Variants in ESRRG observed in about 807,000 individuals in gnomAD.
ESRRG encodes the protein estrogen-related receptor gamma.
A neutral mutation model predicts 44.0 loss-of-function variants in ESRRG; 13 were observed. That is an observed-to-expected ratio of 0.30 (90% confidence interval 0.19 to 0.47). The LOEUF (loss-of-function observed/expected upper bound fraction) is 0.47. Ranked by LOEUF, ESRRG falls within the 20% of genes least tolerant of loss-of-function variation. The pLI is 1.00. For missense variants in ESRRG, 395 were observed against 580.6 expected (o/e 0.68, Z 3.29); for synonymous variants, 215 against 214.6 (o/e 1.00, Z -0.02).
intron 1 of ESRRG, among the ~76,000 whole-genome samples, chr1:217,064,132 C>A (rs908017911): frequency 6.6e-6 from 1 of 151,804 alleles, no homozygotes; most frequent in African/African-American, 2.4e-5. Context: ...TTAATCTTCA[C>A]AACATACATA....
intron 2 of ESRRG, among the ~76,000 whole-genome samples, chr1:216,911,512 G>A (rs749956590): frequency 6.6e-6 from 1 of 152,148 alleles, no homozygotes; most frequent in Non-Finnish European, 1.5e-5. Flanking sequence ...ATGTTATAAT[G>A]GTAGCTACAT....
At chr1:216,568,778 C>T (rs946596495) in intron 3 of ESRRG, among the ~76,000 whole-genome samples, 4 of 152,102 alleles carry the variant, frequency 2.6e-5, no homozygotes, top group Non-Finnish European at 4.4e-5. Context: ...CCTAGCCGGG[C>T]GCAGTGGCTC....
At chr1:216,933,164 A>G (rs2063618586) in intron 2 of ESRRG, among the ~76,000 whole-genome samples, 1 of 152,136 alleles carries the variant, frequency 6.6e-6, no homozygotes, top group African/African-American at 2.4e-5. Context: ...ACATATAGAA[A>G]ATATTATAGT....
intron 2 of ESRRG, among the ~76,000 whole-genome samples, chr1:216,847,836 G>T (rs2095780584): frequency 6.6e-6 from 1 of 152,102 alleles, no homozygotes; most frequent in South Asian, 2.1e-4. Flanking sequence ...AGTGGCGGTG[G>T]CTATGCCCTC....
chr1:216,609,341 G>A (rs967285872), intron 3 of ESRRG, among the ~76,000 whole-genome samples: 6 of 152,174 alleles, frequency 3.9e-5, no homozygotes, highest in Non-Finnish European at 5.9e-5. Flanking sequence ...TTCATCAAAT[G>A]AAAAGAACAC....
intron 2 of ESRRG, among the ~76,000 whole-genome samples, chr1:216,880,397 A>G (rs1056533155): frequency 6.6e-6 from 1 of 151,786 alleles, no homozygotes; most frequent in Admixed American, 6.6e-5. Context: ...ATTAATGCTA[A>G]AAACAAAACC....
At chr1:217,012,103 G>C (rs1385023657) in intron 1 of ESRRG, among the ~76,000 whole-genome samples, 1 of 152,022 alleles carries the variant, frequency 6.6e-6, no homozygotes, top group Non-Finnish European at 1.5e-5. Context: ...ACTTTGGAGG[G>C]GACCCATGAA....
intron 1 of ESRRG, among the ~76,000 whole-genome samples, chr1:217,124,385 C>T (rs1030928108): frequency 6.6e-6 from 1 of 152,164 alleles, no homozygotes; most frequent in Non-Finnish European, 1.5e-5. Context: ...CCTTGTAAAT[C>T]CATGAGGAAG....
intron 1 of ESRRG, among the ~76,000 whole-genome samples, chr1:217,022,086 G>A (rs17044977): frequency 0.15 from 22,740 of 152,236 alleles, 2,213 homozygotes; most frequent in East Asian, 0.21. Context: ...ATATTTACAT[G>A]AGCCTGAAGA....
intron 5 of ESRRG, among the ~76,000 whole-genome samples, chr1:216,521,837 G>C (rs1005734185): frequency 6.6e-6 from 1 of 152,032 alleles, no homozygotes; most frequent in African/African-American, 2.4e-5. Flanking sequence ...TACAAACGCT[G>C]TTTCAGGACA....
chr1:216,955,040 T>C (rs757942729), intron 1 of ESRRG, among the ~76,000 whole-genome samples: 3 of 152,196 alleles, frequency 2.0e-5, no homozygotes, highest in Non-Finnish European at 4.4e-5. Flanking sequence ...ATCACTTCTT[T>C]GCATTGGGAA....
At chr1:217,023,159 T>A (rs137998932) in intron 1 of ESRRG, among the ~76,000 whole-genome samples, 1 of 152,260 alleles carries the variant, frequency 6.6e-6, no homozygotes, top group Non-Finnish European at 1.5e-5. Flanking sequence ...GTACACTAAC[T>A]TAAACAAAAA....
intron 1 of ESRRG, among the ~76,000 whole-genome samples, chr1:216,718,122 G>A (rs1575700002): frequency 6.6e-6 from 1 of 151,934 alleles, no homozygotes; most frequent in African/African-American, 2.4e-5. Flanking sequence ...ACACACAGTA[G>A]TTAAGTAAAC....
intron 1 of ESRRG, among the ~76,000 whole-genome samples, chr1:217,132,842 T>A (rs1475613063): frequency 1.3e-5 from 2 of 152,180 alleles, no homozygotes. Context: ...CCAGAGTTGC[T>A]TGAAAACGAG....
intron 1 of ESRRG, among the ~76,000 whole-genome samples, chr1:216,997,976 T>C (rs1455152608): frequency 5.3e-5 from 8 of 152,210 alleles, no homozygotes; most frequent in African/African-American, 1.7e-4. Flanking sequence ...CTCAGGAATT[T>C]TTTTTCTTCC....
intron 2 of ESRRG, among the ~76,000 whole-genome samples, chr1:216,748,192 A>T (rs1230175224): frequency 6.6e-6 from 1 of 152,186 alleles, no homozygotes; most frequent in Non-Finnish European, 1.5e-5. Context: ...TATAGCCTAG[A>T]TCCACACTTG....
At chr1:216,698,230 A>G (rs1362962934) in intron 1 of ESRRG, among the ~76,000 whole-genome samples, 1 of 152,132 alleles carries the variant, frequency 6.6e-6, no homozygotes, top group African/African-American at 2.4e-5. Context: ...TAAGATTGCA[A>G]GTTTTGGCGG....
At chr1:216,606,777 C>T (rs905127016) in intron 3 of ESRRG, among the ~76,000 whole-genome samples, 15 of 152,096 alleles carry the variant, frequency 9.9e-5, no homozygotes, top group African/African-American at 2.7e-4. Flanking sequence ...CACATACATA[C>T]AGAAAGAGAC....
intron 1 of ESRRG, among the ~76,000 whole-genome samples, chr1:216,683,200 T>C (rs1272343482): frequency 6.6e-6 from 1 of 152,186 alleles, no homozygotes; most frequent in Non-Finnish European, 1.5e-5. Flanking sequence ...TAATAAGAAA[T>C]ATCTTAAGGT....
Sources: allele counts gnomAD v4.1 joint callset (sites outside exome capture counted in the v4.1 genomes callset), GRCh38; gene constraint gnomAD v4.1.1; transcripts MANE v1.5; gene names NCBI Gene and HGNC (gene_info 2026-07-23, HGNC 2026-07-21).